Variants in OSBPL3 observed in about 807,000 individuals in gnomAD.
OSBPL3 encodes oxysterol-binding protein-related protein 3.
In OSBPL3, 65 loss-of-function variants were observed where a neutral mutation model predicts 120.1. That is an observed-to-expected ratio of 0.54 (90% confidence interval 0.44 to 0.67). The LOEUF (loss-of-function observed/expected upper bound fraction) is 0.67, where lower values mean the gene tolerates loss of function less well. OSBPL3 is among the 30% of genes least tolerant of loss of function. The pLI, the probability that OSBPL3 is intolerant of heterozygous loss-of-function variation, is 0.00. For synonymous variants in OSBPL3, 416 were observed against 402.6 expected (o/e 1.03, Z -0.40); for missense variants, 1,004 against 1,082.1 (o/e 0.93, Z 1.01).
At chr7:24,861,953 C>T (rs1244004753) in intron 9 of OSBPL3, among the ~76,000 whole-genome samples, 184 bp from the exon 10 acceptor site, 7 of 149,364 alleles carry the variant, frequency 4.7e-5, no homozygotes, top group African/African-American at 1.7e-4. Flanking sequence ...GTGGCACAAT[C>T]TCCGCTCACT....
At chr7:24,869,341 A>AT (rs1271900652) in intron 5 of OSBPL3, among the ~76,000 whole-genome samples, 1 of 152,258 alleles carries the variant, frequency 6.6e-6, no homozygotes, top group African/African-American at 2.4e-5. Context: ...ACTAAGATTC[A>AT]TTGGAAGTAC....
At chr7:24,869,972 C>A (rs1584448994) in intron 5 of OSBPL3, among the ~76,000 whole-genome samples, 1 of 152,316 alleles carries the variant, frequency 6.6e-6, no homozygotes, top group East Asian at 1.9e-4. Flanking sequence ...GGGTACCATC[C>A]AACAAGCACA....
At chr7:24,865,969 C>T (rs891680081) in intron 6 of OSBPL3, 101 bp downstream of exon 6, 11 of 872,730 alleles carry the variant, frequency 1.3e-5, no homozygotes, top group African/African-American at 8.4e-5. Flanking sequence ...CCCTGCTTGT[C>T]CCCGAAAACT....
In OSBPL3 at chr7:24,805,195, C is replaced by T. The variant is rs985477454; in HGVS notation, c.2445-758G>A. On this transcript the variant is annotated intron_variant, in intron 21 of 22. Coordinates refer to ENST00000313367, the MANE Select transcript of OSBPL3 (RefSeq NM_015550.4). The surrounding 1 kb of genome is among the most constrained non-coding windows in gnomAD (Gnocchi z 4.0). ...TGGGGATCATACCCAATTTATATTC[C>T]CATCAGCAATGCTGAGAGTGCCCTT... 2.6e-5 allele frequency among the ~76,000 whole-genome samples: 4 copies of T among 152,086 alleles called. No homozygotes were observed. The highest frequency in any genetic ancestry group is 2.6e-4 in the Admixed American group (4 of 15,268).
intron 1 of OSBPL3, among the ~76,000 whole-genome samples, chr7:24,961,137 G>T (rs1453450355): frequency 6.6e-6 from 1 of 152,076 alleles, no homozygotes; most frequent in African/African-American, 2.4e-5. Flanking sequence ...GCTAAGAATG[G>T]CATGAAGGGA....
At chr7:24,978,605 T>G (rs1817844485) in intron 1 of OSBPL3, among the ~76,000 whole-genome samples, 1 of 152,214 alleles carries the variant, frequency 6.6e-6, no homozygotes. Flanking sequence ...GTATAGTCCT[T>G]TAGCCAAGGA....
Position 24,952,707 on chromosome 7 carries a change from T to G in OSBPL3, c.-150+27179A>C, listed in dbSNP as rs73691282. On this transcript the variant is annotated intron_variant, in intron 1 of 22. Coordinates refer to ENST00000313367, the MANE Select transcript of OSBPL3 (RefSeq NM_015550.4). This position sits in a 1 kb window ranked among gnomAD's most constrained non-coding sequence, Gnocchi z 4.4. ...AACTCTATAGAGATTATGGTAAGGT[T>G]ATTTCCAGGATTCTAGGCCTGCCCT... Among the ~76,000 whole-genome samples the G allele has an allele frequency of 5.3e-4, 81 of 152,328 alleles. 1 individual carries two copies. Among genetic ancestry groups the G allele is most frequent in the African/African-American group, 1.7e-3 (70 of 41,576 alleles).
chr7:24,895,353 A>C (rs1278616690), intron 1 of OSBPL3, among the ~76,000 whole-genome samples: 3 of 152,188 alleles, frequency 2.0e-5, no homozygotes, highest in Admixed American at 1.3e-4. Context: ...GGACAGTATC[A>C]TGCTGTACAG....
chr7:24,887,218 G>C (rs7794156), intron 2 of OSBPL3, among the ~76,000 whole-genome samples: 115,150 of 152,088 alleles, frequency 0.76, 44,281 homozygotes, highest in East Asian at 0.97. Flanking sequence ...TAGAACTCTA[G>C]AATAATAGGG....
Position 24,932,867 on chromosome 7 carries a change from T to C in OSBPL3, c.-149-40246A>G, listed in dbSNP as rs1443506591. On this transcript the variant is annotated intron_variant, in intron 1 of 22. Coordinates refer to ENST00000313367, the MANE Select transcript of OSBPL3 (RefSeq NM_015550.4). The surrounding 1 kb of genome is among the most constrained non-coding windows in gnomAD (Gnocchi z 5.6). The stretch of plus-strand genomic sequence containing the variant: ...CAGGAACGATCTTTCTAAGATCACT[T>C]TTTAAAAGAAACAAAAACTTTCAAG... 6.6e-6 allele frequency among the ~76,000 whole-genome samples: 1 copy of C among 152,226 alleles called. No homozygotes were observed. The highest frequency in any genetic ancestry group is 1.5e-5 in the Non-Finnish European group (1 of 68,044).
Position 24,852,670 on chromosome 7 carries a change from A to G in OSBPL3, c.1028-36T>C, listed in dbSNP as rs1031612962. On this transcript the variant is annotated intron_variant, in intron 10 of 22. Coordinates refer to ENST00000313367, the MANE Select transcript of OSBPL3 (RefSeq NM_015550.4). This position sits in a 1 kb window ranked among gnomAD's most constrained non-coding sequence, Gnocchi z 4.1. ...AGAATCATTATAAAAAGGAATAAGG[A>G]GGCATAATTAAAAACAAAATACAGA... is the stretch of plus-strand genomic sequence containing the variant. The G allele has an allele frequency of 7.0e-7, 1 of 1,420,084 alleles. No homozygotes were observed. The highest frequency in any genetic ancestry group is 9.5e-7 in the Non-Finnish European group (1 of 1,054,526). The allele number at this position is 1,420,084 out of a possible 1,614,324, so 88.0% of individuals were successfully genotyped here.
chr7:24,962,478 G>GAGGAGAGAGC (rs1815902222), intron 1 of OSBPL3, among the ~76,000 whole-genome samples: 1 of 150,552 alleles, frequency 6.6e-6, no homozygotes, highest in Admixed American at 6.6e-5. Context: ...GAGGAGAGAG[G>GAGGAGAGAGC]AGGAGAGCAG....
chr7:24,942,184 A>G (rs554415836), intron 1 of OSBPL3, among the ~76,000 whole-genome samples: 1 of 151,784 alleles, frequency 6.6e-6, no homozygotes, highest in African/African-American at 2.4e-5. Context: ...TCAGAACTTT[A>G]TAAGAAAACA....
Position 24,819,542 on chromosome 7 carries a change from G to A in OSBPL3, c.1948+633C>T, listed in dbSNP as rs963886589. ...ACTTTTAAAGTTTAATAGACTGCGT[G>A]TGTGTGTGTGCCTGTGTGTGTAAAG... On this transcript the variant is annotated intron_variant, in intron 17 of 22. Transcript: ENST00000313367. This position sits in a 1 kb window ranked among gnomAD's most constrained non-coding sequence, Gnocchi z 4.1. Among the ~76,000 whole-genome samples the A allele has an allele frequency of 3.9e-5, 6 of 152,128 alleles. No homozygotes were observed. In the South Asian group the frequency reaches 1.0e-3, roughly 26 times the overall value.
intron 1 of OSBPL3, among the ~76,000 whole-genome samples, chr7:24,901,038 AG>A (rs1806920920): frequency 7.9e-6 from 1 of 126,086 alleles, no homozygotes; most frequent in Non-Finnish European, 1.7e-5. Flanking sequence ...AAAAAAAAAG[AG>A]AGAGAGATGG....
chr7:24,893,071 C>T (rs1805608116), intron 1 of OSBPL3, among the ~76,000 whole-genome samples: 1 of 152,098 alleles, frequency 6.6e-6, no homozygotes, highest in Non-Finnish European at 1.5e-5. Context: ...TGTTCTATTT[C>T]TCAAAAATTT....
chr7:24,945,368 C>T (rs1813597077), intron 1 of OSBPL3, among the ~76,000 whole-genome samples: 1 of 152,208 alleles, frequency 6.6e-6, no homozygotes, highest in African/African-American at 2.4e-5. Context: ...TATATTTATT[C>T]ATTCAACATA....
intron 20 of OSBPL3, among the ~76,000 whole-genome samples, chr7:24,809,468 G>A (rs1584193293): frequency 6.6e-6 from 1 of 152,136 alleles, no homozygotes; most frequent in South Asian, 2.1e-4. Context: ...CCTTGCTGTA[G>A]AATGACTTCT....
chr7:24,846,156 A>G (rs1405576808), intron 12 of OSBPL3, among the ~76,000 whole-genome samples: 1 of 152,198 alleles, frequency 6.6e-6, no homozygotes, highest in Non-Finnish European at 1.5e-5. Flanking sequence ...ATTCTGTCCC[A>G]TTCTTACCCA....
Sources: allele counts gnomAD v4.1 joint callset (sites outside exome capture counted in the v4.1 genomes callset), GRCh38; gene constraint gnomAD v4.1.1; non-coding constraint Gnocchi (gnomAD v3.1); transcripts MANE v1.5; gene names NCBI Gene and HGNC (gene_info 2026-07-23, HGNC 2026-07-21).